The following SUMF2 variants were observed in gnomAD, a reference collection of about 807,000 sequenced individuals.
SUMF2 encodes sulfatase modifying factor 2, also known as inactive C-alpha-formylglycine-generating enzyme 2.
A neutral mutation model predicts 44.8 loss-of-function variants in SUMF2; 45 were observed. The ratio of observed to expected loss-of-function variants is 1.00; its 90% CI spans 0.79 to 1.29. SUMF2 has a LOEUF of 1.29. Ranked by LOEUF, SUMF2 falls within the 50% of genes most tolerant of loss-of-function variation. SUMF2 has a pLI of 0.00. For synonymous variants in SUMF2, 148 were observed against 150.4 expected (o/e 0.98, Z 0.12); for missense variants, 418 against 389.9 (o/e 1.07, Z -0.61).
the SUMF2 span, chr7:56,087,812 C>T: frequency 6.3e-7 from 1 of 1,579,002 alleles, no homozygotes; most frequent in Non-Finnish European, 8.6e-7. Flanking sequence ...TCGGGGGGCC[C>T]CTCACCCCAT....
chr7:56,064,882 C>CA (rs71015175), intron 1 of SUMF2, among the ~76,000 whole-genome samples: 564 of 14,304 alleles, frequency 0.039, 93 homozygotes, highest in East Asian at 0.15. Context: ...TACTTTATCT[C>CA]AAAAAAAAAA....
chr7:56,083,585 A>G, downstream of SUMF2: 1 of 1,500,598 alleles, frequency 6.7e-7, no homozygotes, highest in Non-Finnish European at 9.2e-7. Flanking sequence ...CTCCCCTGAG[A>G]CCCCAGTGCC....
chr7:56,087,558 A>AG, the SUMF2 span: 3 of 1,588,418 alleles, frequency 1.9e-6, no homozygotes, highest in Non-Finnish European at 2.6e-6. Flanking sequence ...GCAGAATCAC[A>AG]GGGGGGCACC....
At chr7:56,064,538 A>G (rs1444199185) in intron 1 of SUMF2, among the ~76,000 whole-genome samples, 160 bp downstream of exon 1, 1 of 152,098 alleles carries the variant, frequency 6.6e-6, no homozygotes, top group Non-Finnish European at 1.5e-5. Flanking sequence ...TCACCGCCTT[A>G]TACTTTTCAA....
At chr7:56,086,892 A>G in the SUMF2 span, 4 of 1,101,154 alleles carry the variant, frequency 3.6e-6, no homozygotes, top group Non-Finnish European at 5.6e-6. Flanking sequence ...TGTGGTCTCC[A>G]GGCAGCCCTG....
Position 56,073,063 on chromosome 7 carries a change from G to A in SUMF2, c.291G>A (p.Glu97=). ...AEMFGWSFVF[E]DFVSDELRNK... ...TGTTTGGATGGAGCTTTGTCTTTGA[G>A]GACTTTGTCTCTGATGAGCTGAGAA... Residue 97 remains glutamate (E), a synonymous_variant, in exon 3 of 9, where the codon GAG becomes GAA. Transcript: ENST00000434526. The A allele has an allele frequency of 6.2e-7, 1 of 1,614,014 alleles. No homozygotes were observed. Among genetic ancestry groups the A allele is most frequent in the Non-Finnish European group, 8.5e-7 (1 of 1,180,028 alleles).
chr7:56,083,185 T>G, downstream of SUMF2: 1 of 1,109,326 alleles, frequency 9.0e-7, no homozygotes, highest in South Asian at 1.5e-5. Context: ...AGGGAACAAT[T>G]AAGTTAGGGG....
At chr7:56,081,337 G>A (rs1055801351), downstream of SUMF2, 16 of 1,558,630 alleles carry the variant, frequency 1.0e-5, no homozygotes, top group East Asian at 2.4e-5. The surrounding 1 kb of genome is among the most constrained non-coding windows in gnomAD (Gnocchi z 4.6). Flanking sequence ...TGCAGCCCCC[G>A]CCCTGCCAGG....
chr7:56,067,894 GAA>G (rs71015177), intron 1 of SUMF2, among the ~76,000 whole-genome samples: 29 of 72,778 alleles, frequency 4.0e-4, no homozygotes, highest in South Asian at 2.0e-3. Context: ...ATCCTGTCAC[GAA>G]AAAAAAAAAA....
the SUMF2 span, among the ~76,000 whole-genome samples, chr7:56,085,730 C>T: frequency 1.3e-5 from 2 of 151,688 alleles, no homozygotes; most frequent in Admixed American, 6.6e-5. Flanking sequence ...TTTGGGAGGC[C>T]GAGGCGAGTG....
chr7:56,078,570 G>T, intron 8 of SUMF2, 62 bp downstream of exon 8: 1 of 1,478,320 alleles, frequency 6.8e-7, no homozygotes, highest in Non-Finnish European at 9.0e-7. Flanking sequence ...TCTGAATCCC[G>T]GTCCCAGAGT....
chr7:56,081,306 G>A, downstream of SUMF2: 1 of 1,602,906 alleles, frequency 6.2e-7, no homozygotes, highest in South Asian at 1.1e-5. This position sits in a 1 kb window ranked among gnomAD's most constrained non-coding sequence, Gnocchi z 4.6. Context: ...TCACCTGCAG[G>A]GCCAGGCGGA....
chr7:56,073,155 C>T, intron 3 of SUMF2, 44 bp downstream of exon 3: 1 of 1,484,310 alleles, frequency 6.7e-7, no homozygotes, highest in South Asian at 1.1e-5. Flanking sequence ...GGAGTGGGAC[C>T]TGGACAGGGA....
At chr7:56,083,587 C>T (rs1007697518), downstream of SUMF2, 2 of 1,505,830 alleles carry the variant, frequency 1.3e-6, no homozygotes. Flanking sequence ...CCCCTGAGAC[C>T]CCAGTGCCTG....
chr7:56,071,949 A>C lies in SUMF2; in HGVS notation c.225-1048A>C, dbSNP rs146222051. Among the ~76,000 whole-genome samples, 51 of 151,186 alleles carry C rather than the reference A, an allele frequency of 3.4e-4. 2 individuals carry two copies. Among genetic ancestry groups the C allele is most frequent in the African/African-American group, 1.1e-3 (46 of 41,142 alleles). On this transcript the variant is annotated intron_variant, in intron 2 of 8. Transcript: ENST00000434526. The stretch of plus-strand genomic sequence containing the variant: ...ACATGGTGAAACCCGTCTCTACTAA[A>C]AAGACAAAAATTAGTGGGCATGGTG...
intron 2 of SUMF2, among the ~76,000 whole-genome samples, chr7:56,071,789 T>G (rs866771882): frequency 7.5e-5 from 11 of 145,986 alleles, no homozygotes; most frequent in South Asian, 6.5e-4. Context: ...CGTCTAAAAA[T>G]AAATAAATAA....
At chr7:56,082,588 T>A (rs2117545884), downstream of SUMF2, among the ~76,000 whole-genome samples, 1 of 151,068 alleles carries the variant, frequency 6.6e-6, no homozygotes, top group East Asian at 2.0e-4. Flanking sequence ...TGAGACTCTG[T>A]TTCAAAAAAA....
chr7:56,082,858 A>G (rs1796076012), downstream of SUMF2, among the ~76,000 whole-genome samples: 1 of 152,152 alleles, frequency 6.6e-6, no homozygotes, highest in Non-Finnish European at 1.5e-5. Flanking sequence ...CTGTAATCAC[A>G]GCACTTTGGG....
chr7:56,066,768 T>G (rs1358029699), intron 1 of SUMF2, among the ~76,000 whole-genome samples: 2 of 152,226 alleles, frequency 1.3e-5, no homozygotes, highest in African/African-American at 4.8e-5. Context: ...TACAGGCACC[T>G]GACACCACGC....
Sources: gnomAD v4.1 joint callset for allele counts (sites outside exome capture counted in the v4.1 genomes callset) on GRCh38, gnomAD v4.1.1 for gene constraint, Gnocchi (gnomAD v3.1) non-coding constraint, MANE v1.5 for transcripts, NCBI Gene and HGNC (gene_info 2026-07-23, HGNC 2026-07-21) for gene names.